Variants in XIRP2 observed in about 807,000 individuals in gnomAD.
The protein encoded by XIRP2 is xin actin-binding repeat-containing protein 2.
A neutral mutation model predicts 277.0 loss-of-function variants in XIRP2; 236 were observed. The ratio of observed to expected loss-of-function variants is 0.85; its 90% CI spans 0.77 to 0.95. The LOEUF (loss-of-function observed/expected upper bound fraction) is 0.95. Ranked by LOEUF, XIRP2 falls within the 40% of genes least tolerant of loss-of-function variation. The pLI, the probability that XIRP2 is intolerant of heterozygous loss-of-function variation, is 0.00. For missense variants in XIRP2, 4,640 were observed against 4,157.5 expected (o/e 1.12, Z -3.19); for synonymous variants, 1,490 against 1,416.5 (o/e 1.05, Z -1.17).
chr2:167,036,111 T>C (rs1688499885), intron 2 of XIRP2, among the ~76,000 whole-genome samples: 1 of 152,206 alleles, frequency 6.6e-6, no homozygotes, highest in South Asian at 2.1e-4. Flanking sequence ...AGCGCCCTCA[T>C]GGAGAACCTC....
intron 2 of XIRP2, among the ~76,000 whole-genome samples, chr2:166,973,619 A>C (rs576080655): frequency 1.3e-5 from 2 of 152,296 alleles, no homozygotes; most frequent in South Asian, 4.1e-4. Context: ...GTGTTTCAAC[A>C]ACCAGTAATG....
At chr2:167,153,672 T>C (rs1238919379) in intron 3 of XIRP2, among the ~76,000 whole-genome samples, 1 of 151,912 alleles carries the variant, frequency 6.6e-6, no homozygotes, top group East Asian at 1.9e-4. Flanking sequence ...GGTTTTTTGT[T>C]CTTGCGATAG....
intron 3 of XIRP2, among the ~76,000 whole-genome samples, chr2:167,138,850 A>G (rs1691631748): frequency 6.6e-6 from 1 of 152,032 alleles, no homozygotes; most frequent in Non-Finnish European, 1.5e-5. Flanking sequence ...CGAATCACCT[A>G]GGGTCAGGAG....
At chr2:167,080,227 A>C (rs1689692957) in intron 2 of XIRP2, among the ~76,000 whole-genome samples, 1 of 152,188 alleles carries the variant, frequency 6.6e-6, no homozygotes, top group Non-Finnish European at 1.5e-5. Flanking sequence ...TTCTGAAGGA[A>C]AGATGTGGGG....
chr2:166,959,370 A>G (rs1686245536), intron 2 of XIRP2, among the ~76,000 whole-genome samples: 1 of 151,862 alleles, frequency 6.6e-6, no homozygotes. Context: ...GTGAGGCTTT[A>G]CTATGCAGTT....
chr2:166,981,736 G>C (rs1304214384), intron 2 of XIRP2, among the ~76,000 whole-genome samples: 1 of 152,100 alleles, frequency 6.6e-6, no homozygotes, highest in Admixed American at 6.5e-5. Flanking sequence ...CAGTCGTGAT[G>C]GATTAGGGGT....
chr2:166,943,251 AGC>A lies in XIRP2; in HGVS notation c.408+39362_408+39363del, dbSNP rs548106727. Among the ~76,000 whole-genome samples the A allele has an allele frequency of 1.9e-3, 295 of 152,322 alleles. 1 individual carries two copies. The highest frequency in any genetic ancestry group is 6.7e-3 in the African/African-American group (279 of 41,586). On this transcript the variant is annotated intron_variant, in intron 2 of 10. Transcript: ENST00000409195. ...ACCTTTTTATCTTCATTTATTTTAA[AGC>A]AAAAATAGATAATATATAATCCATT...
intron 3 of XIRP2, among the ~76,000 whole-genome samples, chr2:167,146,441 C>A (rs2105327763): frequency 6.6e-6 from 1 of 151,046 alleles, no homozygotes; most frequent in South Asian, 2.1e-4. Context: ...GCGGAGGTTG[C>A]AGTGAGCTGA....
chr2:167,115,569 A>G (rs953059961), intron 2 of XIRP2, among the ~76,000 whole-genome samples: 4 of 152,096 alleles, frequency 2.6e-5, no homozygotes, highest in Non-Finnish European at 5.9e-5. Context: ...TGATTACAGT[A>G]TAAGGTGAAT....
intron 3 of XIRP2, among the ~76,000 whole-genome samples, chr2:167,208,661 T>G (rs975303338): frequency 6.6e-6 from 1 of 152,124 alleles, no homozygotes; most frequent in African/African-American, 2.4e-5. Context: ...AGGCCACTGA[T>G]TTCTTTTTGA....
intron 3 of XIRP2, among the ~76,000 whole-genome samples, chr2:167,173,223 C>T (rs1449889215): frequency 6.6e-6 from 1 of 152,176 alleles, no homozygotes; most frequent in Non-Finnish European, 1.5e-5. Context: ...CCTATTAATT[C>T]TTTCTAACTT....
Position 167,211,296 on chromosome 2 carries a change from C to T in XIRP2, c.723+401C>T, listed in dbSNP as rs367943141. On this transcript the variant is annotated intron_variant, in intron 4 of 10. Transcript: ENST00000409195. Reference sequence around the variant, plus strand: ...ATTTTTAGTAGAGACAGGATTTCACCATGTTGGCCAGGATGGTATCGATCT... The same window carrying T: ...ATTTTTAGTAGAGACAGGATTTCACTATGTTGGCCAGGATGGTATCGATCT... Among the ~76,000 whole-genome samples, 42 of 152,078 alleles carry T rather than the reference C, an allele frequency of 2.8e-4. 2 individuals are homozygous for T. The South Asian group carries it at 7.5e-3, about 27-fold the overall frequency.
intron 2 of XIRP2, among the ~76,000 whole-genome samples, chr2:167,114,113 G>A (rs1010843004): frequency 6.6e-6 from 1 of 152,066 alleles, no homozygotes; most frequent in Admixed American, 6.6e-5. Context: ...CTGGGGAATG[G>A]TTTTCTTCTG....
Position 167,051,666 on chromosome 2 carries a change from G to A in XIRP2, c.409-84243G>A, listed in dbSNP as rs184694187. Among the ~76,000 whole-genome samples, 346 of 152,072 alleles carry A rather than the reference G, an allele frequency of 2.3e-3. 1 individual carries two copies. Among genetic ancestry groups the A allele is most frequent in the African/African-American group, 7.9e-3 (330 of 41,518 alleles). On this transcript the variant is annotated intron_variant, in intron 2 of 10. Transcript: ENST00000409195. ...ATGTAGATAAATTAGTGTAGTACAT[G>A]GGTATGTCATATTATGATCTATATT...
intron 2 of XIRP2, among the ~76,000 whole-genome samples, chr2:167,012,773 T>A (rs777373854): frequency 6.6e-6 from 1 of 151,640 alleles, no homozygotes; most frequent in South Asian, 2.1e-4. Flanking sequence ...TAAGAGATGA[T>A]ACACAACATT....
chr2:167,217,870 G>A (rs10497321), intron 4 of XIRP2, among the ~76,000 whole-genome samples: 22,952 of 151,940 alleles, frequency 0.15, 2,144 homozygotes, highest in African/African-American at 0.27. Context: ...GAGAAATACC[G>A]TGCAATCTAA....
At chr2:167,206,273 C>T (rs774239587) in intron 3 of XIRP2, among the ~76,000 whole-genome samples, 2 of 151,902 alleles carry the variant, frequency 1.3e-5, no homozygotes, top group Non-Finnish European at 1.5e-5. Flanking sequence ...TTTTTTTCTT[C>T]TAGTATAACT....
intron 2 of XIRP2, among the ~76,000 whole-genome samples, chr2:166,934,865 T>C (rs1685448883): frequency 6.7e-6 from 1 of 149,412 alleles, no homozygotes; most frequent in Admixed American, 6.8e-5. Flanking sequence ...AAAAAATTTT[T>C]TAAAAAAGAA....
intron 3 of XIRP2, among the ~76,000 whole-genome samples, chr2:167,147,424 A>G (rs1215249473): frequency 6.6e-6 from 1 of 152,172 alleles, no homozygotes; most frequent in African/African-American, 2.4e-5. Flanking sequence ...CAGATTGTTT[A>G]TGCCGACAAT....
Sources: allele counts gnomAD v4.1 joint callset (sites outside exome capture counted in the v4.1 genomes callset), GRCh38; gene constraint gnomAD v4.1.1; transcripts MANE v1.5; gene names NCBI Gene and HGNC (gene_info 2026-07-23, HGNC 2026-07-21).